The following FLNB variants were observed in gnomAD, a reference collection of about 807,000 sequenced individuals.
FLNB encodes filamin B.
Under a neutral mutation model 250.6 loss-of-function variants are expected in FLNB, and 111 were observed. That is an observed-to-expected ratio of 0.44 (90% CI 0.38 to 0.52). FLNB has a LOEUF of 0.52. Ranked by LOEUF, FLNB falls within the 20% of genes least tolerant of loss-of-function variation. The pLI, the probability that FLNB is intolerant of heterozygous loss-of-function variation, is 0.00. For synonymous variants in FLNB, 1,302 were observed against 1,372.1 expected (o/e 0.95, Z 1.13); for missense variants, 2,869 against 3,447.8 (o/e 0.83, Z 4.20).
intron 1 of FLNB, among the ~76,000 whole-genome samples, chr3:58,040,485 A>G (rs2097144589): frequency 6.6e-6 from 1 of 151,998 alleles, no homozygotes; most frequent in South Asian, 2.1e-4. Flanking sequence ...AGGTCTGAGG[A>G]CATGGTTTCT....
intron 16 of FLNB, 95 bp from the exon 17 acceptor site, chr3:58,111,696 C>G: frequency 1.1e-6 from 1 of 890,092 alleles, no homozygotes; most frequent in Non-Finnish European, 1.9e-6. Flanking sequence ...CTCGCTAAGT[C>G]AGAGTGATGC....
chr3:58,032,032 C>T (rs2097131815), intron 1 of FLNB, among the ~76,000 whole-genome samples: 2 of 151,796 alleles, frequency 1.3e-5, no homozygotes. Context: ...AGGGTCAAGC[C>T]ATCCTCCCAC....
At chr3:58,011,253 C>T (rs1221126178) in intron 1 of FLNB, among the ~76,000 whole-genome samples, 2 of 152,128 alleles carry the variant, frequency 1.3e-5, no homozygotes, top group African/African-American at 2.4e-5. Flanking sequence ...GCCCTAGCTA[C>T]TCCCATTGTC....
intron 42 of FLNB, among the ~76,000 whole-genome samples, chr3:58,161,747 C>T (rs1230285472): frequency 6.6e-6 from 1 of 152,062 alleles, no homozygotes; most frequent in Non-Finnish European, 1.5e-5. Flanking sequence ...GCTTTGTGGG[C>T]CTGGTTCTGG....
intron 12 of FLNB, among the ~76,000 whole-genome samples, chr3:58,107,487 T>C (rs1261042760): frequency 6.6e-6 from 1 of 152,232 alleles, no homozygotes; most frequent in African/African-American, 2.4e-5. Context: ...GGAGGTGGCA[T>C]GCATAAAGAC....
At position 58,142,606 on chromosome 3, in the gene FLNB, G is replaced by T. The variant is rs368456882; in HGVS notation, c.5182-44G>T. 11 of 1,518,756 alleles carry T rather than the reference G, an allele frequency of 7.2e-6. No individual in the cohort carries two copies. The highest frequency in any genetic ancestry group is 1.0e-5 in the Non-Finnish European group (11 of 1,094,350). The allele number at this position is 1,518,756 out of a possible 1,614,324, so 94.1% of individuals were successfully genotyped here. On this transcript the variant is annotated intron_variant, in intron 30 of 45. Transcript: ENST00000295956. This position sits in a 1 kb window ranked among gnomAD's most constrained non-coding sequence, Gnocchi z 4.3. ...AACCCCTGTAGCTTCACCAGCTCCCGCTGTTGTCTGCTTTACCCAGTGACC... is the reference window on the plus strand; with the variant it reads ...AACCCCTGTAGCTTCACCAGCTCCCTCTGTTGTCTGCTTTACCCAGTGACC...
Position 58,153,367 on chromosome 3 carries a change from T to A in FLNB, c.6368-8T>A. The A allele has an allele frequency of 6.2e-7, 1 of 1,613,982 alleles. No individual in the cohort carries two copies. Among genetic ancestry groups the A allele is most frequent in the Non-Finnish European group, 8.5e-7 (1 of 1,179,906 alleles). On this transcript the variant is annotated splice_polypyrimidine_tract_variant and splice_region_variant and intron_variant, in intron 38 of 45. Transcript: ENST00000295956. ...TCTTCTCTCCCCCAACCTCCCTCCC[T>A]CTTTCAGAAATCAACAGCAGTGATA...
intron 4 of FLNB, among the ~76,000 whole-genome samples, chr3:58,094,119 G>GT (rs2097233452): frequency 6.6e-6 from 1 of 152,250 alleles, no homozygotes; most frequent in African/African-American, 2.4e-5. Context: ...TTGAGATGGA[G>GT]TCATGCTCTG....
At chr3:58,097,740 T>G in intron 6 of FLNB, 75 bp from the exon 7 acceptor site, 1 of 1,371,634 alleles carries the variant, frequency 7.3e-7, no homozygotes, top group Non-Finnish European at 1.0e-6. Context: ...TGATCATCAA[T>G]GTATGTGGCT....
intron 32 of FLNB, 89 bp downstream of exon 32, chr3:58,143,702 C>T: frequency 1.3e-6 from 2 of 1,501,038 alleles, no homozygotes; most frequent in Non-Finnish European, 1.8e-6. Flanking sequence ...TTGCAGGGAG[C>T]AGCTCTCGGC....
chr3:58,141,303 A>G (rs2097326578), intron 29 of FLNB, among the ~76,000 whole-genome samples: 1 of 152,182 alleles, frequency 6.6e-6, no homozygotes, highest in Non-Finnish European at 1.5e-5. Context: ...GTAAAAAAAG[A>G]ACTTTTTCCT....
intron 38 of FLNB, 147 bp downstream of exon 38, chr3:58,150,374 T>C (rs1224800097): frequency 2.3e-5 from 19 of 835,576 alleles, no homozygotes; most frequent in Non-Finnish European, 3.2e-5. Flanking sequence ...CATTTCATTA[T>C]GTTCTTCTAT....
chr3:58,082,433 T>G (rs1230369169), intron 4 of FLNB, among the ~76,000 whole-genome samples: 2 of 151,966 alleles, frequency 1.3e-5, no homozygotes, highest in Non-Finnish European at 2.9e-5. Context: ...GCCTTTTCTA[T>G]GGGGGAGGGG....
intron 1 of FLNB, among the ~76,000 whole-genome samples, chr3:58,010,894 C>T (rs533377740): frequency 6.6e-5 from 10 of 152,064 alleles, no homozygotes; most frequent in East Asian, 1.9e-4. Context: ...ACATGGTTCT[C>T]CTGATTCCCT....
chr3:58,141,998 T>A (rs1444661478), intron 30 of FLNB, 69 bp downstream of exon 30: 1 of 1,380,034 alleles, frequency 7.2e-7, no homozygotes, highest in Non-Finnish European at 1.0e-6. Context: ...AAATCTGCCA[T>A]CTGCTTCTGG....
intron 1 of FLNB, among the ~76,000 whole-genome samples, chr3:58,014,903 A>G (rs1179062036): frequency 6.6e-6 from 1 of 151,834 alleles, no homozygotes. Flanking sequence ...TAATTTTTGT[A>G]TTTTTAGTAG....
At chr3:58,031,891 CA>C (rs1182951468) in intron 1 of FLNB, among the ~76,000 whole-genome samples, 2 of 151,480 alleles carry the variant, frequency 1.3e-5, no homozygotes, top group African/African-American at 4.9e-5. Context: ...TAAGCTTGAC[CA>C]GGGGAAGAGA....
At chr3:58,130,117 G>C (rs538553003) in intron 24 of FLNB, among the ~76,000 whole-genome samples, 33 of 152,250 alleles carry the variant, frequency 2.2e-4, no homozygotes, top group African/African-American at 7.0e-4. Context: ...TGGTCAGAAG[G>C]TGCCAGCTGC....
intron 1 of FLNB, among the ~76,000 whole-genome samples, chr3:58,036,888 A>G (rs1184140972): frequency 6.6e-6 from 1 of 152,138 alleles, no homozygotes; most frequent in Non-Finnish European, 1.5e-5. Flanking sequence ...TTCACTGTCT[A>G]TAATTTTTGC....
Sources: allele counts gnomAD v4.1 joint callset (sites outside exome capture counted in the v4.1 genomes callset), GRCh38; gene constraint gnomAD v4.1.1; non-coding constraint Gnocchi (gnomAD v3.1); transcripts MANE v1.5; gene names NCBI Gene and HGNC (gene_info 2026-07-23, HGNC 2026-07-21).